The following SGMS1 variants were observed in gnomAD, a reference collection of about 807,000 sequenced individuals.
SGMS1 encodes the protein phosphatidylcholine:ceramide cholinephosphotransferase 1.
Under a neutral mutation model 46.2 loss-of-function variants are expected in SGMS1, and 13 were observed. The observed-to-expected ratio is 0.28, with a 90% CI of 0.18 to 0.45. SGMS1 has a LOEUF of 0.45. Ranked by LOEUF, SGMS1 falls within the 20% of genes least tolerant of loss-of-function variation. The pLI, the probability that SGMS1 is intolerant of heterozygous loss-of-function variation, is 1.00. For missense variants in SGMS1, 324 were observed against 519.9 expected (o/e 0.62, Z 3.66); for synonymous variants, 203 against 187.8 (o/e 1.08, Z -0.66).
chr10:50,424,100 T>A (rs1382861595), intron 6 of SGMS1, among the ~76,000 whole-genome samples: 1 of 152,208 alleles, frequency 6.6e-6, no homozygotes, highest in Non-Finnish European at 1.5e-5. Flanking sequence ...GCCATGTTTG[T>A]CTGACCTGAA....
intron 2 of SGMS1, among the ~76,000 whole-genome samples, chr10:50,559,480 T>G (rs552248927): frequency 6.6e-6 from 1 of 152,368 alleles, no homozygotes; most frequent in South Asian, 2.1e-4. Context: ...TATAGCTCTC[T>G]TGGCCAATTC....
chr10:50,565,745 A>G (rs1247811920), intron 2 of SGMS1, among the ~76,000 whole-genome samples: 2 of 152,090 alleles, frequency 1.3e-5, no homozygotes, highest in Admixed American at 6.5e-5. Flanking sequence ...TGAGTTGCCT[A>G]CGTTGGGGGT....
chr10:50,607,653 T>A (rs1032011917), intron 1 of SGMS1, among the ~76,000 whole-genome samples: 1 of 152,174 alleles, frequency 6.6e-6, no homozygotes, highest in Non-Finnish European at 1.5e-5. Flanking sequence ...TACAAAAATA[T>A]CAGGGAAAAA....
In SGMS1 at chr10:50,587,633, A is replaced by ATATATG. The variant is rs760688384; in HGVS notation, c.-589+2519_-589+2520insCATATA. On this transcript the variant is annotated intron_variant, in intron 2 of 10. Coordinates refer to ENST00000361781, the MANE Select transcript of SGMS1 (RefSeq NM_147156.4). ...AGCAAGACTGCATCTCAAAATATAT[A>ATATATG]TGTGTGTGTGTGTGTGTGTGTGTGT... Among the ~76,000 whole-genome samples the ATATATG allele has an allele frequency of 6.5e-5, 9 of 138,264 alleles. 1 individual carries two copies. The highest frequency in any genetic ancestry group is 4.8e-4 in the South Asian group (2 of 4,180). The allele number at this position is 138,264 out of a possible 152,430, so 90.7% of individuals were successfully genotyped here. A position where few individuals can be genotyped will look rare whatever the true frequency, so the allele number is the denominator to read the frequency against.
At chr10:50,536,297 C>T (rs1243896263) in intron 2 of SGMS1, among the ~76,000 whole-genome samples, 2 of 152,024 alleles carry the variant, frequency 1.3e-5, no homozygotes, top group Non-Finnish European at 2.9e-5. Context: ...TGTGCCACTG[C>T]ATAAACAGTC....
intron 6 of SGMS1, among the ~76,000 whole-genome samples, chr10:50,423,514 C>T (rs1323547591): frequency 6.6e-6 from 1 of 152,132 alleles, no homozygotes. Context: ...GTCTGGTTTG[C>T]CCCAAACACA....
At chr10:50,624,547 T>C (rs919858035), upstream of SGMS1, 58 of 977,304 alleles carry the variant, frequency 5.9e-5, no homozygotes, top group East Asian at 1.1e-4. Flanking sequence ...GCAAGAGCTC[T>C]AACCGCGCGA....
rs553207952 is a variant in SGMS1, at chr10:50,528,995, C to G, written c.-588-9074G>C. 3.3e-5 allele frequency among the ~76,000 whole-genome samples: 5 copies of G among 152,300 alleles called. No individual in the cohort carries two copies. In the South Asian group the frequency reaches 1.0e-3, roughly 32 times the overall value. ...ATGGGCAATTTACAAATTGCTATAG[C>G]TATTCAAAAGTGACTATATTTCCAC... On this transcript the variant is annotated intron_variant, in intron 2 of 10. Coordinates refer to ENST00000361781, the MANE Select transcript of SGMS1 (RefSeq NM_147156.4).
At chr10:50,406,938 G>A (rs762598951) in intron 6 of SGMS1, among the ~76,000 whole-genome samples, 34 of 152,040 alleles carry the variant, frequency 2.2e-4, no homozygotes, top group South Asian at 4.1e-4. Flanking sequence ...CAGGTCCTGC[G>A]CTCCTGGCCT....
At chr10:50,448,752 A>AT in intron 5 of SGMS1, among the ~76,000 whole-genome samples, 1 of 130,034 alleles carries the variant, frequency 7.7e-6, no homozygotes, top group Non-Finnish European at 1.7e-5. Flanking sequence ...CAAAAAAAAA[A>AT]AAAAAAAAAG....
intron 2 of SGMS1, among the ~76,000 whole-genome samples, chr10:50,561,257 A>G (rs529517450): frequency 6.6e-6 from 1 of 152,352 alleles, no homozygotes; most frequent in South Asian, 2.1e-4. Flanking sequence ...CATTTTGCAT[A>G]CATCAACTCA....
intron 4 of SGMS1, among the ~76,000 whole-genome samples, 185 bp from the exon 5 acceptor site, chr10:50,460,999 C>T (rs1265038558): frequency 3.3e-4 from 50 of 152,014 alleles, no homozygotes; most frequent in Non-Finnish European, 1.0e-4. Flanking sequence ...TCTTTCTTTT[C>T]TAGCTTTTTA....
At chr10:50,482,465 C>G (rs1009841082) in intron 3 of SGMS1, among the ~76,000 whole-genome samples, 1 of 152,084 alleles carries the variant, frequency 6.6e-6, no homozygotes, top group African/African-American at 2.4e-5. Context: ...CAGGCATAAG[C>G]AAAGGAAAAT....
chr10:50,456,089 A>G (rs1365040179), intron 5 of SGMS1, among the ~76,000 whole-genome samples: 1 of 152,172 alleles, frequency 6.6e-6, no homozygotes, highest in African/African-American at 2.4e-5. Flanking sequence ...GGAAACTTGG[A>G]AGTAATACTG....
chr10:50,429,897 G>T (rs1849384243), intron 6 of SGMS1, among the ~76,000 whole-genome samples: 6 of 152,012 alleles, frequency 3.9e-5, no homozygotes, highest in Admixed American at 3.9e-4. Context: ...GCTATTCAGG[G>T]TCATTCATTT....
At chr10:50,574,961 G>GTAATATATATATATATATATATATATA in intron 2 of SGMS1, among the ~76,000 whole-genome samples, 1 of 45,304 alleles carries the variant, frequency 2.2e-5, no homozygotes, top group Admixed American at 2.2e-4. Context: ...GGAAAATGTG[G>GTAATATATATATATATATATATATATA]TGTATATATA....
At chr10:50,422,297 T>C (rs1177019978) in intron 6 of SGMS1, among the ~76,000 whole-genome samples, 1 of 152,158 alleles carries the variant, frequency 6.6e-6, no homozygotes, top group Non-Finnish European at 1.5e-5. Flanking sequence ...GCTTAAGTTA[T>C]ATAACAGCCA....
intron 6 of SGMS1, among the ~76,000 whole-genome samples, chr10:50,355,792 G>A (rs1274934952): frequency 3.3e-5 from 5 of 150,766 alleles, no homozygotes; most frequent in South Asian, 2.1e-4. Context: ...AGTGAGTAGC[G>A]CCTCTTCCCA....
chr10:50,329,538 C>T (rs1313054228), intron 7 of SGMS1, among the ~76,000 whole-genome samples: 3 of 152,184 alleles, frequency 2.0e-5, no homozygotes, highest in Admixed American at 6.5e-5. Flanking sequence ...TTTTCTACAA[C>T]AAACTTTAAC....
Sources: gnomAD v4.1 joint callset for allele counts (sites outside exome capture counted in the v4.1 genomes callset) on GRCh38, gnomAD v4.1.1 for gene constraint, MANE v1.5 for transcripts, NCBI Gene and HGNC (gene_info 2026-07-23, HGNC 2026-07-21) for gene names.